ERBB4: variants seen among roughly 807,000 people sequenced by gnomAD.
ERBB4 encodes erb-b2 receptor tyrosine kinase 4.
In ERBB4, 42 loss-of-function variants were observed where a neutral mutation model predicts 158.0. The ratio of observed to expected loss-of-function variants is 0.27; its 90% CI spans 0.21 to 0.34. The LOEUF is 0.34. Ranked by LOEUF, ERBB4 falls within the 10% of genes least tolerant of loss-of-function variation. ERBB4 has a pLI of 1.00. For synonymous variants in ERBB4, 583 were observed against 558.7 expected (o/e 1.04, Z -0.61); for missense variants, 1,333 against 1,624.1 (o/e 0.82, Z 3.08).
At chr2:212,324,266 T>A (rs2087714383) in intron 1 of ERBB4, among the ~76,000 whole-genome samples, 1 of 150,626 alleles carries the variant, frequency 6.6e-6, no homozygotes, top group East Asian at 1.9e-4. Context: ...CCTGTTATAT[T>A]AAATAAGAAA....
chr2:212,477,019 A>G (rs965800022), intron 1 of ERBB4, among the ~76,000 whole-genome samples: 29 of 152,238 alleles, frequency 1.9e-4, no homozygotes, highest in Non-Finnish European at 3.2e-4. Flanking sequence ...CATCTATAAA[A>G]TGGTATAGTA....
intron 2 of ERBB4, among the ~76,000 whole-genome samples, chr2:211,993,351 C>T (rs765743877): frequency 5.9e-5 from 9 of 152,284 alleles, no homozygotes; most frequent in East Asian, 1.9e-4. Flanking sequence ...CAAGGAGAGA[C>T]GCCTCAGGAG....
At chr2:211,663,249 T>A (rs2071500386) in intron 15 of ERBB4, among the ~76,000 whole-genome samples, 1 of 152,190 alleles carries the variant, frequency 6.6e-6, no homozygotes, top group Admixed American at 6.5e-5. Flanking sequence ...TTTTATGAAG[T>A]GAGTGAATCT....
At chr2:211,676,563 G>GA (rs1252980985) in intron 13 of ERBB4, among the ~76,000 whole-genome samples, 4 of 149,134 alleles carry the variant, frequency 2.7e-5, no homozygotes, top group Non-Finnish European at 4.5e-5. Flanking sequence ...GGTGTTCTGG[G>GA]AAAAAAACAA....
chr2:211,934,497 G>C (rs2080259707), intron 3 of ERBB4, among the ~76,000 whole-genome samples: 2 of 151,868 alleles, frequency 1.3e-5, no homozygotes, highest in African/African-American at 4.8e-5. Context: ...TCAGTAATTA[G>C]AGTCATCTCA....
At chr2:212,283,609 A>C (rs2085843201) in intron 1 of ERBB4, among the ~76,000 whole-genome samples, 1 of 151,988 alleles carries the variant, frequency 6.6e-6, no homozygotes. Flanking sequence ...AAAATGATTC[A>C]TGCAATGCTA....
chr2:212,002,952 G>A (rs1036996460), intron 2 of ERBB4, among the ~76,000 whole-genome samples: 3 of 151,082 alleles, frequency 2.0e-5, no homozygotes, highest in Non-Finnish European at 2.9e-5. Context: ...TTCCAGACTC[G>A]GGAGGCTGTG....
At chr2:212,527,585 C>T (rs1210715245) in intron 1 of ERBB4, among the ~76,000 whole-genome samples, 1 of 152,130 alleles carries the variant, frequency 6.6e-6, no homozygotes, top group Non-Finnish European at 1.5e-5. Context: ...CAGAACCCCT[C>T]TATTGTACTG....
chr2:211,518,723 G>A (rs1156909486), intron 20 of ERBB4, among the ~76,000 whole-genome samples: 1 of 151,872 alleles, frequency 6.6e-6, no homozygotes, highest in Non-Finnish European at 1.5e-5. Flanking sequence ...GGCTGTAGAC[G>A]ATTTTAAACT....
chr2:212,181,101 T>C lies in ERBB4; in HGVS notation c.83-56198A>G, dbSNP rs568241334. On this transcript the variant is annotated intron_variant, in intron 1 of 27. Transcript: ENST00000342788. ...TGGTTAAACAACTTGCTTAAGGTCA[T>C]GTAGTCACTAAGTGTAGACCCATAA... Among the ~76,000 whole-genome samples the C allele has an allele frequency of 6.6e-5, 10 of 151,804 alleles. No homozygotes were observed. The East Asian group carries it at 9.7e-4, about 15-fold the overall frequency.
chr2:211,892,638 C>A (rs1426813061), intron 3 of ERBB4, among the ~76,000 whole-genome samples: 1 of 145,714 alleles, frequency 6.9e-6, no homozygotes, highest in African/African-American at 2.7e-5. Context: ...TTGCAGATGA[C>A]GTGATTGTAT....
chr2:211,518,106 C>A (rs1034667981), intron 20 of ERBB4, among the ~76,000 whole-genome samples: 2 of 151,760 alleles, frequency 1.3e-5, no homozygotes, highest in African/African-American at 4.8e-5. Context: ...TTTTCTTATT[C>A]CATAGTATTA....
intron 3 of ERBB4, among the ~76,000 whole-genome samples, chr2:211,802,264 A>AC (rs970970970): frequency 5.0e-5 from 1 of 20,000 alleles, no homozygotes; most frequent in Non-Finnish European, 9.2e-5. Flanking sequence ...GTCTCCAACA[A>AC]AAAAAAAAAA....
In ERBB4 at chr2:211,392,600, A is replaced by ACC. The variant is rs1491416832; in HGVS notation, c.3136-4610_3136-4609dup. ...CACACACACACACACACACACACAC[A>ACC]CCCCAATAATGACTCTATGATCCAG... On this transcript the variant is annotated intron_variant, in intron 25 of 27. Coordinates refer to ENST00000342788, the MANE Select transcript of ERBB4 (RefSeq NM_005235.3). Among the ~76,000 whole-genome samples the ACC allele has an allele frequency of 1.0e-3, 136 of 133,640 alleles. 1 individual carries two copies. The highest frequency in any genetic ancestry group is 3.7e-3 in the Middle Eastern group (1 of 268). 87.7% of individuals were successfully genotyped at this position (133,640 alleles called of 152,430 possible). A position where few individuals can be genotyped will look rare whatever the true frequency, so the allele number is the denominator to read the frequency against.
At chr2:211,580,860 C>G (rs60189225) in intron 19 of ERBB4, among the ~76,000 whole-genome samples, 49,589 of 73,066 alleles carry the variant, frequency 0.68, 20,676 homozygotes, top group East Asian at 0.9. Flanking sequence ...ATATAGTATG[C>G]ATATACATAT....
chr2:211,999,086 C>A (rs2076043231), intron 2 of ERBB4, among the ~76,000 whole-genome samples: 1 of 151,424 alleles, frequency 6.6e-6, no homozygotes, highest in Admixed American at 6.6e-5. Context: ...AAAGGCATAA[C>A]TAGATTTTTG....
chr2:212,003,212 A>AAGGAAG, intron 2 of ERBB4, among the ~76,000 whole-genome samples: 2 of 40,514 alleles, frequency 4.9e-5, no homozygotes, highest in South Asian at 1.8e-3. Flanking sequence ...AAAGACAGAA[A>AAGGAAG]GAAGGAAGGA....
rs151174227 is a variant in ERBB4 at position 212,407,010 on chromosome 2, C to T, written c.82+131439G>A. ...AACAGGGTGAATTCCCTTAAAATAG[C>T]TTAAGTGTTATCTTCATTTGGAAGC... On this transcript the variant is annotated intron_variant, in intron 1 of 27. Coordinates refer to ENST00000342788, the MANE Select transcript of ERBB4 (RefSeq NM_005235.3). 5.1e-3 allele frequency among the ~76,000 whole-genome samples: 769 copies of T among 152,086 alleles called. 4 individuals are homozygous for T. Among genetic ancestry groups the T allele is most frequent in the Middle Eastern group, 0.024 (7 of 292 alleles).
At chr2:212,312,541 A>AT (rs2087097010) in intron 1 of ERBB4, among the ~76,000 whole-genome samples, 1 of 151,040 alleles carries the variant, frequency 6.6e-6, no homozygotes. Flanking sequence ...TCCAAATTAC[A>AT]TAAGAATCAA....
Sources: allele counts gnomAD v4.1 joint callset (sites outside exome capture counted in the v4.1 genomes callset), GRCh38; gene constraint gnomAD v4.1.1; transcripts MANE v1.5; gene names NCBI Gene and HGNC (gene_info 2026-07-23, HGNC 2026-07-21).